Variants in CAPN13 observed in about 807,000 individuals in gnomAD.
The protein encoded by CAPN13 is calpain 13.
A neutral mutation model predicts 98.4 loss-of-function variants in CAPN13; 90 were observed. The observed-to-expected ratio is 0.92, with a 90% CI of 0.77 to 1.09. The LOEUF (loss-of-function observed/expected upper bound fraction) is 1.09. Among genes scored for constraint, CAPN13 ranks in the 50% least tolerant of loss-of-function variants. CAPN13 has a pLI of 0.00. For synonymous variants in CAPN13, 330 were observed against 305.5 expected, an observed-to-expected ratio of 1.08 and a Z score of -0.84; for missense variants, 887 against 841.3, an observed-to-expected ratio of 1.05 and a Z score of -0.67.
chr2:30,771,023 G>A (rs1460543032), intron 4 of CAPN13, among the ~76,000 whole-genome samples: 1 of 152,194 alleles, frequency 6.6e-6, no homozygotes, highest in African/African-American at 2.4e-5. Context: ...GCCTCCCTCT[G>A]GCCCCCCTCT....
chr2:30,741,063 A>G (rs1343663709), intron 15 of CAPN13, among the ~76,000 whole-genome samples: 3 of 152,182 alleles, frequency 2.0e-5, no homozygotes, highest in Non-Finnish European at 4.4e-5. Flanking sequence ...CGGCCTTGTC[A>G]TGCAGTGAGT....
intron 2 of CAPN13, among the ~76,000 whole-genome samples, chr2:30,786,358 G>T (rs1422833498): frequency 6.6e-6 from 1 of 152,164 alleles, no homozygotes; most frequent in Non-Finnish European, 1.5e-5. Flanking sequence ...CCTTAGGGTG[G>T]TCCTTATCCG....
intron 7 of CAPN13, among the ~76,000 whole-genome samples, chr2:30,761,994 T>A (rs943375466): frequency 6.6e-6 from 1 of 152,202 alleles, no homozygotes; most frequent in Admixed American, 6.5e-5. Context: ...GTTTGGAACT[T>A]GGTCTCTCAG....
At chr2:30,777,415 G>A (rs1673757875) in intron 3 of CAPN13, among the ~76,000 whole-genome samples, 152 bp downstream of exon 3, 1 of 152,204 alleles carries the variant, frequency 6.6e-6, no homozygotes, top group Non-Finnish European at 1.5e-5. Flanking sequence ...CCTGCTCATT[G>A]CAGGCTGCAG....
intron 7 of CAPN13, among the ~76,000 whole-genome samples, chr2:30,762,087 AG>A: frequency 6.6e-6 from 1 of 152,326 alleles, no homozygotes; most frequent in Non-Finnish European, 1.5e-5. Context: ...TCCCATAGCC[AG>A]GAAGTGCTGT....
chr2:30,745,611 G>A, intron 12 of CAPN13, 112 bp downstream of exon 12: 1 of 1,047,490 alleles, frequency 9.5e-7, no homozygotes, highest in Non-Finnish European at 1.4e-6. Context: ...GACTTAGCGA[G>A]ACTGAATTTG....
chr2:30,804,091 C>T (rs892927079), intron 1 of CAPN13, among the ~76,000 whole-genome samples: 11 of 152,180 alleles, frequency 7.2e-5, no homozygotes, highest in Non-Finnish European at 1.6e-4. Flanking sequence ...ATTCAGGAAT[C>T]AAGACAAAAG....
At chr2:30,790,984 C>G in intron 1 of CAPN13, among the ~76,000 whole-genome samples, 1 of 151,950 alleles carries the variant, frequency 6.6e-6, no homozygotes, top group Non-Finnish European at 1.5e-5. Flanking sequence ...TCTTAAAGAC[C>G]TTATCTCTAG....
At position 30,758,059 on chromosome 2, in the gene CAPN13, G is replaced by A. The variant is rs773595409; in HGVS notation, c.853C>T (p.Arg285Cys). The stretch of plus-strand genomic sequence containing the variant: ...CAGAAGCCATACCCATCACTCCAGC[G>A]CCCTCTCCATTCGGCCTCGCCCCAG... ...WGWGEAEWRG[R>C]WSDGSQEWEE... is the part of the protein sequence containing the mutation. The change falls in exon 8 of 23, where the codon CGC (arginine) becomes TGC (cysteine). Residue 285 changes from arginine to cysteine, a missense_variant. Transcript: ENST00000295055. The A allele has an allele frequency of 8.1e-6, 13 of 1,610,406 alleles. No homozygotes were observed. The highest frequency in any genetic ancestry group is 3.4e-5 in the Admixed American group (2 of 59,494).
intron 1 of CAPN13, among the ~76,000 whole-genome samples, chr2:30,796,384 C>T (rs1390155512): frequency 6.6e-6 from 1 of 151,806 alleles, no homozygotes; most frequent in Non-Finnish European, 1.5e-5. Context: ...AAGTAGAATA[C>T]AGTGTAGTAA....
intron 4 of CAPN13, among the ~76,000 whole-genome samples, chr2:30,774,857 A>G (rs1318591138): frequency 6.6e-6 from 1 of 152,182 alleles, no homozygotes; most frequent in East Asian, 1.9e-4. Context: ...CTAGAAATCA[A>G]TTTTATGCAT....
At chr2:30,724,498 T>A (rs1670791471) in intron 22 of CAPN13, among the ~76,000 whole-genome samples, 1 of 152,242 alleles carries the variant, frequency 6.6e-6, no homozygotes, top group African/African-American at 2.4e-5. Flanking sequence ...GACTTCCCTG[T>A]CTCTGTCTAG....
At chr2:30,788,679 G>T (rs1427480703) in intron 1 of CAPN13, among the ~76,000 whole-genome samples, 2 of 152,182 alleles carry the variant, frequency 1.3e-5, no homozygotes, top group African/African-American at 2.4e-5. Flanking sequence ...TCTAAGGAAA[G>T]AATATGAACT....
chr2:30,784,868 G>T (rs964827574), intron 2 of CAPN13, among the ~76,000 whole-genome samples: 2 of 152,190 alleles, frequency 1.3e-5, no homozygotes, highest in Admixed American at 1.3e-4. Context: ...AGCTCCTAAA[G>T]CCAGGCCTGC....
intron 8 of CAPN13, among the ~76,000 whole-genome samples, chr2:30,757,056 G>A (rs1672488572): frequency 6.6e-6 from 1 of 152,208 alleles, no homozygotes; most frequent in African/African-American, 2.4e-5. Flanking sequence ...CGTCCTCACT[G>A]TATTGATTTC....
chr2:30,791,918 A>C (rs901184866), intron 1 of CAPN13, among the ~76,000 whole-genome samples: 1 of 152,230 alleles, frequency 6.6e-6, no homozygotes, highest in Non-Finnish European at 1.5e-5. Flanking sequence ...AGTTGTAAGA[A>C]TACACAGATA....
intron 22 of CAPN13, among the ~76,000 whole-genome samples, chr2:30,728,858 C>G (rs775325284): frequency 2.0e-5 from 3 of 152,100 alleles, no homozygotes; most frequent in Non-Finnish European, 4.4e-5. Flanking sequence ...TCAAAGAAAT[C>G]TCAACTGAAG....
chr2:30,729,960 T>A (rs532108400), intron 22 of CAPN13: 1 of 152,338 alleles, frequency 6.6e-6, no homozygotes, highest in Admixed American at 6.5e-5. Context: ...CTCAAATATT[T>A]GTAGGTCTTG....
chr2:30,769,183 CA>C (rs1411409797), intron 5 of CAPN13, among the ~76,000 whole-genome samples: 1 of 152,130 alleles, frequency 6.6e-6, no homozygotes, highest in African/African-American at 2.4e-5. Flanking sequence ...CACTCCATAC[CA>C]CCCTTGTGGC....
Sources: allele counts gnomAD v4.1 joint callset (sites outside exome capture counted in the v4.1 genomes callset), GRCh38; gene constraint gnomAD v4.1.1; transcripts MANE v1.5; gene names NCBI Gene and HGNC (gene_info 2026-07-23, HGNC 2026-07-21).